Variants in ACSBG1 observed in about 807,000 individuals in gnomAD.
The protein encoded by ACSBG1 is long-chain-fatty-acid--CoA ligase ACSBG1.
A neutral mutation model predicts 80.2 loss-of-function variants in ACSBG1; 39 were observed. The ratio of observed to expected loss-of-function variants is 0.49; its 90% CI spans 0.38 to 0.64. The LOEUF (loss-of-function observed/expected upper bound fraction) is 0.64. Ranked by LOEUF, ACSBG1 falls within the 30% of genes least tolerant of loss-of-function variation. The pLI is 0.00. For missense variants in ACSBG1, 828 were observed against 966.4 expected (o/e 0.86, Z 1.90); for synonymous variants, 392 against 379.5 (o/e 1.03, Z -0.38).
In ACSBG1 at chr15:78,233,947, C is replaced by T. The variant is rs138550313; in HGVS notation, c.131+424G>A. Among the ~76,000 whole-genome samples the T allele has an allele frequency of 6.2e-3, 952 of 152,352 alleles. 1 individual carries two copies. Among genetic ancestry groups the T allele is most frequent in the Middle Eastern group, 0.044 (13 of 294 alleles). On this transcript the variant is annotated intron_variant, in intron 1 of 13. Coordinates refer to ENST00000258873, the MANE Select transcript of ACSBG1 (RefSeq NM_015162.5). ...ATTCAGACAGGGAAGCTACAGCCCA[C>T]GGAGGGCAAAGGCACTTGCCAAGGT...
chr15:78,180,972 G>A, intron 8 of ACSBG1, 36 bp from the exon 9 acceptor site: 4 of 1,593,904 alleles, frequency 2.5e-6, no homozygotes, highest in African/African-American at 1.3e-5. Context: ...TGTTGGGTCA[G>A]GGGCATCTGG....
At chr15:78,220,887 C>A (rs79023497) in intron 1 of ACSBG1, among the ~76,000 whole-genome samples, 15 of 152,176 alleles carry the variant, frequency 9.9e-5, no homozygotes, top group African/African-American at 3.6e-4. Flanking sequence ...TTTGGAATAC[C>A]ATCTGGCAGT....
chr15:78,175,317 T>G lies in ACSBG1; in HGVS notation c.1703-793A>C, dbSNP rs575623612. ...TTTAGTGAGACTGTACTCCTGTCCC[T>G]CATTTCTATCTAATTCAAAAAAGAT... On this transcript the variant is annotated intron_variant, in intron 11 of 13. Coordinates refer to ENST00000258873, the MANE Select transcript of ACSBG1 (RefSeq NM_015162.5). Among the ~76,000 whole-genome samples the G allele has an allele frequency of 3.9e-5, 6 of 152,386 alleles. 1 individual carries two copies. The South Asian group carries it at 1.0e-3, about 26-fold the overall frequency.
At chr15:78,185,979 A>G (rs1004770573) in intron 5 of ACSBG1, among the ~76,000 whole-genome samples, 3 of 152,240 alleles carry the variant, frequency 2.0e-5, no homozygotes, top group Non-Finnish European at 4.4e-5. Flanking sequence ...GAAAGAATGT[A>G]TTGCCATCAG....
At position 78,182,798 on chromosome 15, in the gene ACSBG1, GAA is replaced by G. The variant is rs761359900; in HGVS notation, c.664-15_664-14del. On this transcript the variant is annotated splice_polypyrimidine_tract_variant and intron_variant, in intron 5 of 13. Transcript: ENST00000258873. The stretch of plus-strand genomic sequence containing the variant: ...ACTGTTTCCAGATCTGCATTGACAG[GAA>G]AAATAGATCAGGTTTCAGTAAGAGA... 147 of 1,613,626 alleles carry G rather than the reference GAA, an allele frequency of 9.1e-5. No homozygotes were observed. In the African/African-American group the frequency reaches 1.8e-3, roughly 20 times the overall value.
intron 1 of ACSBG1, among the ~76,000 whole-genome samples, chr15:78,224,186 G>C (rs1226829240): frequency 1.3e-5 from 2 of 152,172 alleles, no homozygotes; most frequent in East Asian, 1.9e-4. Flanking sequence ...TCATGAGTGA[G>C]GTTGAAAGCA....
rs778855756 is a variant in ACSBG1 at position 78,182,729 on chromosome 15, T to C, written c.720A>G (p.Pro240=). 6.2e-7 allele frequency: 1 copy of C among 1,614,244 alleles called. No homozygotes were observed. The highest frequency in any genetic ancestry group is 8.5e-7 in the Non-Finnish European group (1 of 1,180,038). The change falls in exon 6 of 14, where the codon CCA becomes CCG. Residue 240 remains proline, a synonymous_variant. Transcript: ENST00000258873. ...CCGTGTACACATTGGCCATCTTGTT[T>C]GGAGGAGGTTCTTTATATATCACGA... ...KAVVIYKEPP[P]NKMANVYTME...
intron 7 of ACSBG1, 76 bp from the exon 8 acceptor site, chr15:78,182,221 G>GGGGCCAGCCCCAGTGTGGTGCCCCCTGT: frequency 6.5e-7 from 1 of 1,543,722 alleles, no homozygotes; most frequent in Non-Finnish European, 8.7e-7. Flanking sequence ...GGCCACCCTG[G>GGGGCCAGCCCCAGTGTGGTGCCCCCTGT]GGGCCAGCCC....
chr15:78,224,026 C>T (rs930438308), intron 1 of ACSBG1, among the ~76,000 whole-genome samples: 2 of 152,158 alleles, frequency 1.3e-5, no homozygotes, highest in African/African-American at 4.8e-5. Flanking sequence ...GACACCTTGA[C>T]TTTAGCCCAC....
intron 1 of ACSBG1, among the ~76,000 whole-genome samples, chr15:78,226,971 G>T: frequency 6.6e-6 from 1 of 151,000 alleles, no homozygotes; most frequent in East Asian, 1.9e-4. Flanking sequence ...TGTAATCCCA[G>T]CACTCTGGGA....
At chr15:78,174,775 C>G in intron 11 of ACSBG1, 1 of 522,388 alleles carries the variant, frequency 1.9e-6, no homozygotes, top group Non-Finnish European at 3.4e-6. Flanking sequence ...TCAGCCTGCT[C>G]AGACATCTCA....
chr15:78,220,074 C>T (rs532462413), intron 1 of ACSBG1, among the ~76,000 whole-genome samples: 1 of 152,308 alleles, frequency 6.6e-6, no homozygotes, highest in Non-Finnish European at 1.5e-5. Context: ...TTTGCACTTC[C>T]TGATTTCAAA....
intron 1 of ACSBG1, among the ~76,000 whole-genome samples, chr15:78,214,738 G>C (rs1255217925): frequency 6.6e-6 from 1 of 152,142 alleles, no homozygotes; most frequent in African/African-American, 2.4e-5. Context: ...ACTGCGCCCA[G>C]CCTCAGCCCT....
intron 1 of ACSBG1, among the ~76,000 whole-genome samples, chr15:78,228,863 C>T (rs2075424566): frequency 6.6e-6 from 1 of 152,200 alleles, no homozygotes; most frequent in Admixed American, 6.5e-5. Context: ...TAGCCAACTC[C>T]TACTCCTGTT....
At chr15:78,207,379 C>A (rs1167344724) in intron 2 of ACSBG1, among the ~76,000 whole-genome samples, 1 of 152,086 alleles carries the variant, frequency 6.6e-6, no homozygotes, top group African/African-American at 2.4e-5. Context: ...CTATTGTTTT[C>A]TTTTTGTTTT....
At chr15:78,180,408 G>T (rs1330459514) in intron 9 of ACSBG1, among the ~76,000 whole-genome samples, 9 of 152,352 alleles carry the variant, frequency 5.9e-5, no homozygotes, top group Non-Finnish European at 1.2e-4. Flanking sequence ...GAAAAGGCCG[G>T]AAAGGCTAAG....
At chr15:78,232,585 T>C (rs912099465) in intron 1 of ACSBG1, among the ~76,000 whole-genome samples, 5 of 152,168 alleles carry the variant, frequency 3.3e-5, no homozygotes, top group African/African-American at 1.2e-4. Flanking sequence ...CAGAAGACCC[T>C]GAGATCCTGC....
At chr15:78,193,741 G>A in intron 4 of ACSBG1, 115 bp from the exon 5 acceptor site, 1 of 1,465,994 alleles carries the variant, frequency 6.8e-7, no homozygotes, top group Non-Finnish European at 9.1e-7. Context: ...CTGGCAGGAG[G>A]GGCTCCCAAG....
chr15:78,199,228 C>T (rs1307099124), intron 2 of ACSBG1, among the ~76,000 whole-genome samples: 1 of 151,958 alleles, frequency 6.6e-6, no homozygotes, highest in African/African-American at 2.4e-5. Context: ...CACAGATGCA[C>T]AGCACTAAGC....
Sources: allele counts gnomAD v4.1 joint callset (sites outside exome capture counted in the v4.1 genomes callset), GRCh38; gene constraint gnomAD v4.1.1; transcripts MANE v1.5; gene names NCBI Gene and HGNC (gene_info 2026-07-23, HGNC 2026-07-21).